Variants in SLC4A4 observed in about 807,000 individuals in gnomAD.
The protein encoded by SLC4A4 is solute carrier family 4 member 4, also known as electrogenic sodium bicarbonate cotransporter 1.
Under a neutral mutation model 111.5 loss-of-function variants are expected in SLC4A4, and 27 were observed. That is an observed-to-expected ratio of 0.24 (90% CI 0.18 to 0.33). SLC4A4 has a LOEUF of 0.33. Among genes scored for constraint, SLC4A4 ranks in the 10% least tolerant of loss-of-function variants. The pLI is 1.00. For synonymous variants in SLC4A4, 443 were observed against 463.4 expected, an observed-to-expected ratio of 0.96 and a Z score of 0.57; for missense variants, 909 against 1,315.5, an observed-to-expected ratio of 0.69 and a Z score of 4.78.
chr4:71,281,189 C>T (rs1026034427), intron 3 of SLC4A4, among the ~76,000 whole-genome samples: 2 of 152,192 alleles, frequency 1.3e-5, no homozygotes, highest in African/African-American at 4.8e-5. Context: ...ATGCTCATCA[C>T]AAAGCAGATG....
chr4:71,398,777 G>A (rs966090484), intron 7 of SLC4A4, among the ~76,000 whole-genome samples: 4 of 152,156 alleles, frequency 2.6e-5, no homozygotes, highest in Admixed American at 2.6e-4. Context: ...TTTGCTAAGT[G>A]GAAACTATAA....
In SLC4A4 at chr4:71,397,640, C is replaced by G. The variant is rs765868207; in HGVS notation, c.794C>G (p.Pro265Arg). The G allele has an allele frequency of 6.2e-7, 1 of 1,613,686 alleles. No homozygotes were observed. Among genetic ancestry groups the G allele is most frequent in the African/African-American group, 1.3e-5 (1 of 74,860 alleles). ...AGTCTGAATGACATTTCTGATAAAC[C>G]GGAGAAGGACCAGGTAAGCAAAAAA... ...SSSLNDISDK[P>R]EKDQLKNKFM... The change falls in exon 7 of 26, where the codon CCG (proline) becomes CGG (arginine). Residue 265 changes from proline to arginine, a missense_variant. Coordinates refer to ENST00000264485, the MANE Select transcript of SLC4A4 (RefSeq NM_001098484.3).
At chr4:71,197,272 G>T (rs1434926453) in intron 1 of SLC4A4, among the ~76,000 whole-genome samples, 3 of 152,172 alleles carry the variant, frequency 2.0e-5, no homozygotes, top group Non-Finnish European at 4.4e-5. Flanking sequence ...TGCAGTAGCT[G>T]TGATCATTGC....
chr4:71,360,005 CAGTTG>C lies in SLC4A4; in HGVS notation c.730+2820_730+2824del, dbSNP rs573496004. On this transcript the variant is annotated intron_variant, in intron 6 of 25. Coordinates refer to ENST00000264485, the MANE Select transcript of SLC4A4 (RefSeq NM_001098484.3). ...TCAGCTCTAATCTGCTCGGGAGAGC[CAGTTG>C]ATATCAGGGATTTGCAAGCTGGTTG... is the stretch of plus-strand genomic sequence containing the variant. Among the ~76,000 whole-genome samples the C allele has an allele frequency of 4.6e-3, 700 of 152,132 alleles. 2 individuals carry two copies. Among genetic ancestry groups the C allele is most frequent in the Non-Finnish European group, 7.9e-3 (535 of 67,982 alleles).
chr4:71,247,654 C>A (rs1720774354), intron 2 of SLC4A4, among the ~76,000 whole-genome samples: 1 of 152,170 alleles, frequency 6.6e-6, no homozygotes, highest in Non-Finnish European at 1.5e-5. Flanking sequence ...AACCCTACTT[C>A]CCATTCAGTT....
rs1224799419 is a variant in SLC4A4, at chr4:71,453,536, C to T, written c.1364C>T (p.Pro455Leu). ...ATTAAAGACATAAAGAGGAAAGCGC[C>T]ATTTTTTGCCAGTGATTTTTATGAT... is the stretch of plus-strand genomic sequence containing the variant. ...GLIKDIKRKA[P>L]FFASDFYDAL... The change falls in exon 12 of 26, where the codon CCA (proline) becomes CTA (leucine). Residue 455 changes from proline to leucine, a missense_variant. Coordinates refer to ENST00000264485, the MANE Select transcript of SLC4A4 (RefSeq NM_001098484.3). The T allele has an allele frequency of 3.1e-6, 5 of 1,613,946 alleles. No homozygotes were observed. Among genetic ancestry groups the T allele is most frequent in the Non-Finnish European group, 4.2e-6 (5 of 1,179,884 alleles).
chr4:71,421,290 C>T (rs1052510364), intron 7 of SLC4A4, among the ~76,000 whole-genome samples: 2 of 152,258 alleles, frequency 1.3e-5, no homozygotes, highest in East Asian at 1.9e-4. Context: ...AGCTAACTAT[C>T]CTAAATATAT....
intron 6 of SLC4A4, among the ~76,000 whole-genome samples, chr4:71,376,345 G>C (rs1471528440): frequency 1.3e-5 from 2 of 150,124 alleles, no homozygotes; most frequent in African/African-American, 4.9e-5. Context: ...GGGACTACGG[G>C]CACCCGCCAC....
chr4:71,215,364 A>G (rs1718367226), intron 1 of SLC4A4, among the ~76,000 whole-genome samples: 1 of 152,192 alleles, frequency 6.6e-6, no homozygotes, highest in African/African-American at 2.4e-5. Flanking sequence ...TATTGTCATA[A>G]TAGCACTCAT....
chr4:71,542,055 A>T (rs1735119180), intron 18 of SLC4A4, among the ~76,000 whole-genome samples: 1 of 152,040 alleles, frequency 6.6e-6, no homozygotes, highest in Non-Finnish European at 1.5e-5. Context: ...AACTTCTCTG[A>T]CATAACCATT....
intron 6 of SLC4A4, among the ~76,000 whole-genome samples, chr4:71,392,058 C>T (rs1490858989): frequency 2.0e-5 from 3 of 152,036 alleles, no homozygotes; most frequent in South Asian, 2.1e-4. Context: ...TTCACAAGAA[C>T]GTTGTTAGGA....
chr4:71,274,833 TA>T (rs1440666364), intron 3 of SLC4A4, among the ~76,000 whole-genome samples: 5 of 152,238 alleles, frequency 3.3e-5, no homozygotes, highest in African/African-American at 1.2e-4. Flanking sequence ...TCTTTTATTC[TA>T]AATTAGTTTA....
chr4:71,530,452 A>G (rs1300107027), intron 16 of SLC4A4, among the ~76,000 whole-genome samples: 1 of 152,108 alleles, frequency 6.6e-6, no homozygotes, highest in Non-Finnish European at 1.5e-5. Context: ...AGGAGTTCCA[A>G]TAGTGGTTGT....
intron 7 of SLC4A4, among the ~76,000 whole-genome samples, chr4:71,400,576 A>G (rs1284828292): frequency 6.6e-6 from 1 of 152,198 alleles, no homozygotes; most frequent in Non-Finnish European, 1.5e-5. Flanking sequence ...AGTTAATCCA[A>G]TGAGTTCTTC....
chr4:71,483,294 A>T (rs545637714), intron 14 of SLC4A4, among the ~76,000 whole-genome samples: 1 of 151,836 alleles, frequency 6.6e-6, no homozygotes, highest in Admixed American at 6.6e-5. Flanking sequence ...AGTACCCATT[A>T]GTTGTTTTTC....
chr4:71,087,923 G>A (rs1459780442), intron 1 of SLC4A4, among the ~76,000 whole-genome samples: 12 of 151,950 alleles, frequency 7.9e-5, no homozygotes, highest in South Asian at 2.1e-4. Context: ...TATTAGGTCT[G>A]CTTGGTGCAG....
chr4:71,446,524 C>G (rs900924401), intron 8 of SLC4A4, among the ~76,000 whole-genome samples: 1 of 152,106 alleles, frequency 6.6e-6, no homozygotes, highest in African/African-American at 2.4e-5. Flanking sequence ...GTAAGAATGC[C>G]TATATATCTA....
intron 2 of SLC4A4, among the ~76,000 whole-genome samples, chr4:71,242,893 A>G (rs1043669200): frequency 3.3e-5 from 5 of 152,000 alleles, no homozygotes; most frequent in African/African-American, 9.7e-5. Context: ...ACTGCTTCTT[A>G]TATTGGAAAA....
At chr4:71,515,695 T>C (rs1197167626) in intron 16 of SLC4A4, among the ~76,000 whole-genome samples, 1 of 152,218 alleles carries the variant, frequency 6.6e-6, no homozygotes, top group African/African-American at 2.4e-5. Flanking sequence ...ATCCTCTTCC[T>C]GGATTGGTTG....
Sources: gnomAD v4.1 joint callset for allele counts (sites outside exome capture counted in the v4.1 genomes callset) on GRCh38, gnomAD v4.1.1 for gene constraint, MANE v1.5 for transcripts, NCBI Gene and HGNC (gene_info 2026-07-23, HGNC 2026-07-21) for gene names.